The following ABHD15 variants were observed in gnomAD, a reference collection of about 807,000 sequenced individuals.
ABHD15 encodes protein ABHD15.
Under a neutral mutation model 34.4 loss-of-function variants are expected in ABHD15, and 34 were observed. The observed-to-expected ratio is 0.99, with a 90% CI of 0.75 to 1.32. The LOEUF (loss-of-function observed/expected upper bound fraction) is 1.32, where lower values mean the gene tolerates loss of function less well. Among genes scored for constraint, ABHD15 ranks in the 40% most tolerant of loss-of-function variants. The pLI, the probability that ABHD15 is intolerant of heterozygous loss-of-function variation, is 0.00. For missense variants in ABHD15, 644 were observed against 650.4 expected (o/e 0.99, Z 0.11); for synonymous variants, 314 against 299.2 (o/e 1.05, Z -0.51).
At chr17:29,566,005 G>T in intron 1 of ABHD15, 81 bp downstream of exon 1, 1 of 1,488,606 alleles carries the variant, frequency 6.7e-7, no homozygotes, top group Non-Finnish European at 8.9e-7. Flanking sequence ...CTGTTCCAAT[G>T]CTATGCATAG....
rs1416274474 is a variant in ABHD15, at chr17:29,566,217, G to A, written c.750C>T (p.Cys250=). 1.2e-6 allele frequency: 2 copies of A among 1,610,550 alleles called. No individual in the cohort carries two copies. The highest frequency in any genetic ancestry group is 1.1e-5 in the South Asian group (1 of 90,924). The part of the protein sequence containing the change: ...SALLLSYLGE[C]GSSSYVTGAA... ...CGCCTGTCACGTAGCTGGAGGAGCCGCACTCGCCCAGGTAGGACAGGAGCA... is the reference window on the plus strand; with the variant it reads ...CGCCTGTCACGTAGCTGGAGGAGCCACACTCGCCCAGGTAGGACAGGAGCA... Residue 250 remains cysteine (C), a synonymous_variant, in exon 1 of 2, where the codon TGC becomes TGT. Coordinates refer to ENST00000307201, the MANE Select transcript of ABHD15 (RefSeq NM_198147.3).
Position 29,561,593 on chromosome 17 carries a change from C to A in ABHD15, c.*968G>T. 6.6e-6 allele frequency: 1 copy of A among 152,538 alleles called. No individual in the cohort carries two copies. The highest frequency in any genetic ancestry group is 1.5e-5 in the Non-Finnish European group (1 of 68,032). 9.4% of individuals were successfully genotyped at this position (152,538 alleles called of 1,614,324 possible). On this transcript the variant is annotated 3_prime_UTR_variant, in exon 2 of 2. Coordinates refer to ENST00000307201, the MANE Select transcript of ABHD15 (RefSeq NM_198147.3). ...TTTCCTCTGGTCCCAGATGTGTCTC[C>A]TGGCTCTGGAAAGGGAGAGGCCAGT...
In ABHD15 at chr17:29,566,248, G is replaced by T; in HGVS notation, c.719C>A (p.Ser240Ter). 1 of 1,610,506 alleles carries T rather than the reference G, an allele frequency of 6.2e-7. No homozygotes were observed. The highest frequency in any genetic ancestry group is 8.5e-7 in the Non-Finnish European group (1 of 1,178,830). Residue 240 changes from serine (S) to a stop codon, truncating the protein, a stop_gained, in exon 1 of 2, where the codon TCG (serine) becomes TAG (stop). Coordinates refer to ENST00000307201, the MANE Select transcript of ABHD15 (RefSeq NM_198147.3). LOFTEE classifies it high-confidence loss of function. ...PLFAVSEGSG[S>*]ALLLSYLGEC... Reference sequence around the variant, plus strand: ...GCCCAGGTAGGACAGGAGCAGCGCCGAGCCCGAGCCTTCGCTCACCGCGAA... The same window carrying T: ...GCCCAGGTAGGACAGGAGCAGCGCCTAGCCCGAGCCTTCGCTCACCGCGAA...
rs1177477553 is a variant in ABHD15 at position 29,562,532 on chromosome 17, A to G, written c.*29T>C. 4.4e-6 allele frequency: 7 copies of G among 1,584,650 alleles called. No homozygotes were observed. The highest frequency in any genetic ancestry group is 1.8e-5 in the Admixed American group (1 of 55,768). ...CTTGCCCAGCTCTGTTTTTCTTTGCAGGACTTGGGGGTTCTCAGGCCAGGT... is the reference window on the plus strand; with the variant it reads ...CTTGCCCAGCTCTGTTTTTCTTTGCGGGACTTGGGGGTTCTCAGGCCAGGT... On this transcript the variant is annotated 3_prime_UTR_variant, in exon 2 of 2. Coordinates refer to ENST00000307201, the MANE Select transcript of ABHD15 (RefSeq NM_198147.3).
chr17:29,566,631 G>A lies in ABHD15; in HGVS notation c.336C>T (p.Phe112=), dbSNP rs963236521. The A allele has an allele frequency of 8.7e-6, 14 of 1,607,506 alleles. No homozygotes were observed. Among genetic ancestry groups the A allele is most frequent in the Non-Finnish European group, 1.2e-5 (14 of 1,179,636 alleles). ...SGPHLQTLCH[F]VLPVAPGPEL... ...CAGGCCCAGGCGCTACGGGCAGGAC[G>A]AAGTGGCAGAGGGTCTGCAGGTGGG... Residue 112 remains phenylalanine, a synonymous_variant, in exon 1 of 2, where the codon TTC becomes TTT. Coordinates refer to ENST00000307201, the MANE Select transcript of ABHD15 (RefSeq NM_198147.3).
chr17:29,566,379 G>A lies in ABHD15; in HGVS notation c.588C>T (p.His196=), dbSNP rs2032711466. The A allele has an allele frequency of 1.2e-6, 2 of 1,611,126 alleles. No homozygotes were observed. Among genetic ancestry groups the A allele is most frequent in the Admixed American group, 1.7e-5 (1 of 59,936 alleles). ...YYPVIFHRRG[H]HGCPLVSPRL... is the part of the protein sequence containing the mutation. ...GGGGGCTGACCAGTGGGCAACCGTG[G>A]TGGCCGCGGCGATGGAAGATGACCG... Residue 196 remains histidine, a synonymous_variant, in exon 1 of 2, where the codon CAC becomes CAT. Coordinates refer to ENST00000307201, the MANE Select transcript of ABHD15 (RefSeq NM_198147.3).
Position 29,566,876 on chromosome 17 carries a change from GC to G in ABHD15, c.90del (p.Arg31AlafsTer86). 2 of 1,499,386 alleles carry G rather than the reference GC, an allele frequency of 1.3e-6. No individual in the cohort carries two copies. The highest frequency in any genetic ancestry group is 8.8e-7 in the Non-Finnish European group (1 of 1,132,922). 92.9% of individuals were successfully genotyped at this position (1,499,386 alleles called of 1,614,324 possible). A position where few individuals can be genotyped will look rare whatever the true frequency, so the allele number is the denominator to read the frequency against. ...LLGPRLRGPW[G>X]RAVGERTLPG... ...GGCAGGGTCCTCTCTCCGACGGCGCGCCCCCAGGGTCCCCGGAGCCGCGGGC... is the reference window on the plus strand; with the variant it reads ...GGCAGGGTCCTCTCTCCGACGGCGCGCCCCAGGGTCCCCGGAGCCGCGGGC... On this transcript the variant is annotated frameshift_variant, in exon 1 of 2. Coordinates refer to ENST00000307201, the MANE Select transcript of ABHD15 (RefSeq NM_198147.3). LOFTEE classifies it high-confidence loss of function.
chr17:29,566,927 C>A lies in ABHD15; in HGVS notation c.40G>T (p.Val14Leu), dbSNP rs963742631. 11 of 1,476,990 alleles carry A rather than the reference C, an allele frequency of 7.4e-6. No individual in the cohort carries two copies. Among genetic ancestry groups the A allele is most frequent in the Non-Finnish European group, 9.8e-6 (11 of 1,123,170 alleles). The allele number at this position is 1,476,990 out of a possible 1,614,324, so 91.5% of individuals were successfully genotyped here. Residue 14 changes from valine (V) to leucine (L), a missense_variant, in exon 1 of 2, where the codon GTG (valine) becomes TTG (leucine). Val to Leu is a conservative substitution (Grantham distance 32). Coordinates refer to ENST00000307201, the MANE Select transcript of ABHD15 (RefSeq NM_198147.3). ...CCGAGCAGGCCGAGAAGGGCGAGCA[C>A]GGCCAAGATGAGCGCGAGGGCGGCG... Reference protein sequence around the residue: ...WGAALALILAVLALLGLLGPR... With the variant: ...WGAALALILALLALLGLLGPR...
In ABHD15 at chr17:29,566,386, C is replaced by T. The variant is rs772892541; in HGVS notation, c.581G>A (p.Arg194His). ...RGYYPVIFHR[R>H]GHHGCPLVSP... ...GACCAGTGGGCAACCGTGGTGGCCG[C>T]GGCGATGGAAGATGACCGGGTAGTA... is the stretch of plus-strand genomic sequence containing the variant. The change falls in exon 1 of 2, where the codon CGC becomes CAC. Residue 194 changes from arginine to histidine, a missense_variant. Physicochemically the swap from Arg to His is conservative, Grantham distance 29. Coordinates refer to ENST00000307201, the MANE Select transcript of ABHD15 (RefSeq NM_198147.3). The T allele has an allele frequency of 6.2e-7, 1 of 1,611,000 alleles. No homozygotes were observed. The highest frequency in any genetic ancestry group is 2.2e-5 in the East Asian group (1 of 44,840).
At chr17:29,564,538 A>G (rs1317426205) in intron 1 of ABHD15, among the ~76,000 whole-genome samples, 1 of 152,226 alleles carries the variant, frequency 6.6e-6, no homozygotes, top group Non-Finnish European at 1.5e-5. Context: ...AGCTCAATCC[A>G]GCCTCAGACA....
At position 29,560,732 on chromosome 17, in the gene ABHD15, G is replaced by C. The variant is rs912283942; in HGVS notation, c.*1829C>G. ...TGCAGTGGTGCGATCTCAGCTCACT[G>C]CAAGCTCCGCCTCCCGGGTTCACGC... On this transcript the variant is annotated 3_prime_UTR_variant, in exon 2 of 2. Transcript: ENST00000307201. 6.6e-6 allele frequency: 1 copy of C among 151,724 alleles called. No homozygotes were observed. The highest frequency in any genetic ancestry group is 1.5e-5 in the Non-Finnish European group (1 of 68,006). The allele number at this position is 151,724 out of a possible 1,614,324, so 9.4% of individuals were successfully genotyped here.
Position 29,561,540 on chromosome 17 carries a change from A to C in ABHD15, c.*1021T>G, listed in dbSNP as rs1328628340. ...ATGAAATATTTGTAAATCACTGGTC[A>C]GCTCTAGTCAACCTCTTGGTGCTTT... On this transcript the variant is annotated 3_prime_UTR_variant, in exon 2 of 2. Transcript: ENST00000307201. 6.6e-6 allele frequency: 1 copy of C among 152,322 alleles called. No individual in the cohort carries two copies. Among genetic ancestry groups the C allele is most frequent in the African/African-American group, 2.4e-5 (1 of 41,466 alleles). The allele number at this position is 152,322 out of a possible 1,614,324, so 9.4% of individuals were successfully genotyped here.
intron 1 of ABHD15, among the ~76,000 whole-genome samples, chr17:29,563,359 G>A (rs2032658559): frequency 6.6e-6 from 1 of 150,608 alleles, no homozygotes; most frequent in Admixed American, 6.6e-5. Context: ...AGAACAGCCT[G>A]GGCAACAGGG....
chr17:29,565,880 ACTAG>A (rs1398791713), intron 1 of ABHD15, among the ~76,000 whole-genome samples: 1 of 152,248 alleles, frequency 6.6e-6, no homozygotes, highest in Non-Finnish European at 1.5e-5. Flanking sequence ...GCACAGCGAT[ACTAG>A]CTGAGTCCAT....
Position 29,561,356 on chromosome 17 carries a change from CTA to C in ABHD15, c.*1203_*1204del, listed in dbSNP as rs1348965761. 5 of 152,194 alleles carry C rather than the reference CTA, an allele frequency of 3.3e-5. No individual in the cohort carries two copies. In the East Asian group the frequency reaches 9.6e-4, roughly 29 times the overall value. The allele number at this position is 152,194 out of a possible 1,614,324, so 9.4% of individuals were successfully genotyped here. A position where few individuals can be genotyped will look rare whatever the true frequency, so the allele number is the denominator to read the frequency against. On this transcript the variant is annotated 3_prime_UTR_variant, in exon 2 of 2. Coordinates refer to ENST00000307201, the MANE Select transcript of ABHD15 (RefSeq NM_198147.3). ...CAGAATATTTAGATCAACCTGTATA[CTA>C]TATATTATCTCTGATATACTATATC...
rs187845373 is a variant in ABHD15, at chr17:29,563,124, G to C, written c.882-38C>G. ...TGTTTAGTGGGGAAGGTGGGAAAGA[G>C]AGGGAAGAATGAGAACATCAGGTGA... On this transcript the variant is annotated intron_variant, in intron 1 of 1. Coordinates refer to ENST00000307201, the MANE Select transcript of ABHD15 (RefSeq NM_198147.3). 4 of 1,569,420 alleles carry C rather than the reference G, an allele frequency of 2.5e-6. No homozygotes were observed. In the Admixed American group the frequency reaches 6.8e-5, roughly 27 times the overall value.
chr17:29,566,555 C>T lies in ABHD15; in HGVS notation c.412G>A (p.Asp138Asn). The T allele has an allele frequency of 6.2e-7, 1 of 1,609,880 alleles. No individual in the cohort carries two copies. The highest frequency in any genetic ancestry group is 8.5e-7 in the Non-Finnish European group (1 of 1,179,078). Residue 138 changes from aspartate to asparagine, a missense_variant, in exon 1 of 2, where the codon GAC (aspartate) becomes AAC (asparagine). Asp to Asn is a conservative substitution (Grantham distance 23). Transcript: ENST00000307201. ...CGAACACAAGGTCCTACCACCCAGT[C>T]CAGGGCCACTAGCCCATCGTCCGCC... is the stretch of plus-strand genomic sequence containing the variant. ...QLADDGLVAL[D>N]WVVGPCVRGR...
chr17:29,563,503 A>G (rs1183648763), intron 1 of ABHD15, among the ~76,000 whole-genome samples: 1 of 152,116 alleles, frequency 6.6e-6, no homozygotes, highest in East Asian at 1.9e-4. Flanking sequence ...CTATGATTGC[A>G]CCATTGCATT....
At chr17:29,564,301 T>A (rs1273185678) in intron 1 of ABHD15, among the ~76,000 whole-genome samples, 1 of 152,240 alleles carries the variant, frequency 6.6e-6, no homozygotes, top group African/African-American at 2.4e-5. Context: ...TAATGTCACA[T>A]GAGTGTGATG....
Sources: allele counts gnomAD v4.1 joint callset (sites outside exome capture counted in the v4.1 genomes callset), GRCh38; gene constraint gnomAD v4.1.1; transcripts MANE v1.5; gene names NCBI Gene and HGNC (gene_info 2026-07-23, HGNC 2026-07-21).